The following STAG1 variants were observed in gnomAD, a reference collection of about 807,000 sequenced individuals.
STAG1 encodes the protein STAG1 cohesin complex component.
In STAG1, 26 loss-of-function variants were observed where a neutral mutation model predicts 170.9. The observed-to-expected ratio is 0.15, with a 90% confidence interval of 0.11 to 0.21. STAG1 has a LOEUF of 0.21. Ranked by LOEUF, STAG1 falls within the 10% of genes least tolerant of loss-of-function variation. The pLI is 1.00. For missense variants in STAG1, 964 were observed against 1,509.5 expected (o/e 0.64, Z 5.99); for synonymous variants, 514 against 497.7 (o/e 1.03, Z -0.44).
rs2087813016 is a variant in STAG1, at chr3:136,417,672, A to C, written c.2196+213T>G. On this transcript the variant is annotated intron_variant, in intron 21 of 33. Transcript: ENST00000383202. ...ACCTTAACAGTAAAATTTTTAAGAT[A>C]TGTTATAGCAAAAGTTTTTTCTACT... The C allele has an allele frequency of 4.0e-5, 18 of 445,658 alleles. No homozygotes were observed. The South Asian group carries it at 6.2e-4, about 15-fold the overall frequency. 27.6% of individuals were successfully genotyped at this position (445,658 alleles called of 1,614,324 possible). A position where few individuals can be genotyped will look rare whatever the true frequency, so the allele number is the denominator to read the frequency against.
intron 17 of STAG1, 30 bp downstream of exon 17, chr3:136,422,922 G>T: frequency 6.3e-7 from 1 of 1,585,844 alleles, no homozygotes; most frequent in South Asian, 1.1e-5. Flanking sequence ...CAAACTCAGT[G>T]ACATAACAAA....
intron 16 of STAG1, among the ~76,000 whole-genome samples, chr3:136,425,401 G>A (rs1169238254): frequency 1.3e-5 from 2 of 152,018 alleles, no homozygotes; most frequent in Non-Finnish European, 2.9e-5. Context: ...ATCTGTATGT[G>A]TACATGCCTT....
intron 12 of STAG1, among the ~76,000 whole-genome samples, chr3:136,470,682 T>C (rs1362860263): frequency 1.3e-5 from 2 of 152,022 alleles, no homozygotes; most frequent in Non-Finnish European, 2.9e-5. Flanking sequence ...GACACATGCA[T>C]ACATATGTTT....
At chr3:136,486,395 C>T (rs372004875) in intron 9 of STAG1, among the ~76,000 whole-genome samples, 1 of 152,126 alleles carries the variant, frequency 6.6e-6, no homozygotes, top group African/African-American at 2.4e-5. Context: ...ACTGGGATGT[C>T]CAAATAAAAA....
chr3:136,504,159 C>T lies in STAG1; in HGVS notation c.677-1380G>A, dbSNP rs575893547. On this transcript the variant is annotated intron_variant, in intron 7 of 33. Coordinates refer to ENST00000383202, the MANE Select transcript of STAG1 (RefSeq NM_005862.3). ...ATTTGTTATTCGGAAACTCTATCTA[C>T]ATTTTGATCAGTTCTATGTTATTAA... 6.6e-5 allele frequency among the ~76,000 whole-genome samples: 10 copies of T among 152,282 alleles called. No homozygotes were observed. The South Asian group carries it at 2.1e-3, about 32-fold the overall frequency.
intron 5 of STAG1, among the ~76,000 whole-genome samples, chr3:136,557,889 A>T (rs945979531): frequency 1.3e-5 from 2 of 152,162 alleles, no homozygotes; most frequent in African/African-American, 4.8e-5. Flanking sequence ...AAGACAAATA[A>T]ATTTGGTTAC....
chr3:136,522,789 A>G (rs1172190553), intron 6 of STAG1, among the ~76,000 whole-genome samples: 1 of 133,076 alleles, frequency 7.5e-6, no homozygotes, highest in African/African-American at 2.9e-5. Context: ...TCACTGTTCA[A>G]CTCCCACCTA....
chr3:136,686,840 A>C (rs1942547437), intron 1 of STAG1, among the ~76,000 whole-genome samples: 1 of 152,228 alleles, frequency 6.6e-6, no homozygotes, highest in Non-Finnish European at 1.5e-5. Context: ...TCAGCTACTT[A>C]AGTAATTCAG....
rs1002778407 is a variant in STAG1 at position 136,735,566 on chromosome 3, T to C, written c.-84+16629A>G. Among the ~76,000 whole-genome samples the C allele has an allele frequency of 4.6e-5, 7 of 152,088 alleles. No individual in the cohort carries two copies. In the East Asian group the frequency reaches 1.4e-3, roughly 29 times the overall value. ...ATTCTCATGCCTCAGCCACCAAAAG[T>C]AGCTGGGATTACAGGCATACACCAC... On this transcript the variant is annotated intron_variant, in intron 1 of 33. Transcript: ENST00000383202.
intron 15 of STAG1, among the ~76,000 whole-genome samples, chr3:136,434,199 C>T (rs895541795): frequency 1.3e-5 from 2 of 152,008 alleles, no homozygotes; most frequent in African/African-American, 2.4e-5. Flanking sequence ...GTAACTGATA[C>T]ATTTATTTCT....
At chr3:136,411,835 A>G (rs56235965) in intron 21 of STAG1, among the ~76,000 whole-genome samples, 59,098 of 151,632 alleles carry the variant, frequency 0.39, 13,656 homozygotes, top group East Asian at 0.81. Flanking sequence ...AATCCCAGCT[A>G]CTTGGGAGGC....
intron 26 of STAG1, among the ~76,000 whole-genome samples, chr3:136,361,099 T>C (rs1386863209): frequency 1.3e-5 from 2 of 152,248 alleles, no homozygotes; most frequent in Non-Finnish European, 2.9e-5. Context: ...AAGTTATTCT[T>C]TCTCTCTTCT....
intron 19 of STAG1, among the ~76,000 whole-genome samples, chr3:136,421,463 T>C (rs2087955419): frequency 6.6e-6 from 1 of 152,200 alleles, no homozygotes; most frequent in Non-Finnish European, 1.5e-5. Context: ...TGATTTCCAA[T>C]ATTTTATTTA....
chr3:136,470,769 T>C (rs1353390555), intron 12 of STAG1, among the ~76,000 whole-genome samples: 1 of 151,942 alleles, frequency 6.6e-6, no homozygotes, highest in Non-Finnish European at 1.5e-5. Flanking sequence ...ATTAAGAAAA[T>C]GTGGCACCTA....
chr3:136,480,990 G>A (rs1469918062), intron 9 of STAG1, among the ~76,000 whole-genome samples: 1 of 138,416 alleles, frequency 7.2e-6, no homozygotes. Flanking sequence ...CTGAGACGAT[G>A]GGGTTTTCTA....
At chr3:136,499,603 T>C (rs1933356143) in intron 9 of STAG1, among the ~76,000 whole-genome samples, 1 of 152,236 alleles carries the variant, frequency 6.6e-6, no homozygotes, top group African/African-American at 2.4e-5. Context: ...ATTCACTCAA[T>C]GTAAAATATG....
chr3:136,619,540 T>C (rs556499326), intron 3 of STAG1, among the ~76,000 whole-genome samples: 122 of 151,760 alleles, frequency 8.0e-4, no homozygotes, highest in Non-Finnish European at 1.6e-3. Context: ...GGTGGATCAC[T>C]TCAGGTCGGG....
intron 1 of STAG1, among the ~76,000 whole-genome samples, chr3:136,716,479 G>GA (rs1218127338): frequency 6.6e-6 from 1 of 151,742 alleles, no homozygotes; most frequent in Non-Finnish European, 1.5e-5. Context: ...GAAAAAAAAA[G>GA]AAAAAAAGAA....
chr3:136,446,548 G>A (rs532589388), intron 14 of STAG1, among the ~76,000 whole-genome samples: 2 of 151,602 alleles, frequency 1.3e-5, no homozygotes, highest in Non-Finnish European at 2.9e-5. Context: ...TCAGCATCCC[G>A]AGTAGCTGAG....
Sources: gnomAD v4.1 joint callset for allele counts (sites outside exome capture counted in the v4.1 genomes callset) on GRCh38, gnomAD v4.1.1 for gene constraint, MANE v1.5 for transcripts, NCBI Gene and HGNC (gene_info 2026-07-23, HGNC 2026-07-21) for gene names.